Variants in LRRC40 observed in about 807,000 individuals in gnomAD.
LRRC40 encodes leucine rich repeat containing 40.
In LRRC40, 76 loss-of-function variants were observed where a neutral mutation model predicts 72.8. That is an observed-to-expected ratio of 1.04 (90% CI 0.87 to 1.26). LRRC40 has a LOEUF of 1.26. Ranked by LOEUF, LRRC40 falls within the 50% of genes most tolerant of loss-of-function variation. The pLI is 0.00. For missense variants in LRRC40, 684 were observed against 698.9 expected, an observed-to-expected ratio of 0.98 and a Z score of 0.24; for synonymous variants, 243 against 254.2, an observed-to-expected ratio of 0.96 and a Z score of 0.42.
In LRRC40 at chr1:70,181,157, G is replaced by A; in HGVS notation, c.590C>T (p.Ser197Phe). ...TTVPASFSSL[S>F]SLVRLNLSSN... Reference sequence around the variant, plus strand: ...AGAAAGATTGAGTCGCACCAGACTGGACAGAGAAGAAAAACTAGCAGGAAC... The same window carrying A: ...AGAAAGATTGAGTCGCACCAGACTGAACAGAGAAGAAAAACTAGCAGGAAC... The change falls in exon 5 of 15, where the codon TCC (serine) becomes TTC (phenylalanine). Residue 197 changes from serine (S) to phenylalanine (F), a missense_variant. Transcript: ENST00000370952. The A allele has an allele frequency of 4.4e-6, 7 of 1,596,598 alleles. No individual in the cohort carries two copies. The highest frequency in any genetic ancestry group is 6.0e-6 in the Non-Finnish European group (7 of 1,172,364).
intron 1 of LRRC40, 96 bp downstream of exon 1, chr1:70,205,294 G>A (rs1447389694): frequency 3.2e-6 from 4 of 1,241,446 alleles, no homozygotes; most frequent in Non-Finnish European, 2.2e-6. Context: ...AGCAGTCTGA[G>A]AAAGGGGGCC....
At chr1:70,169,049 T>G (rs1430418605) in intron 9 of LRRC40, among the ~76,000 whole-genome samples, 1 of 152,076 alleles carries the variant, frequency 6.6e-6, no homozygotes, top group Non-Finnish European at 1.5e-5. Context: ...ATGAGATAAG[T>G]AAGCAACAAT....
intron 13 of LRRC40, among the ~76,000 whole-genome samples, chr1:70,150,598 C>T (rs1369194021): frequency 6.6e-6 from 1 of 152,216 alleles, no homozygotes; most frequent in Non-Finnish European, 1.5e-5. Flanking sequence ...GGTCTGGCTA[C>T]TGCTTACTTG....
At position 70,181,298 on chromosome 1, in the gene LRRC40, A is replaced by T. The variant is rs1668240897; in HGVS notation, c.538-89T>A. 7.8e-6 allele frequency: 6 copies of T among 772,970 alleles called. No homozygotes were observed. In the South Asian group the frequency reaches 9.6e-5, roughly 12 times the overall value. 47.9% of individuals were successfully genotyped at this position (772,970 alleles called of 1,614,324 possible). A position where few individuals can be genotyped will look rare whatever the true frequency, so the allele number is the denominator to read the frequency against. On this transcript the variant is annotated intron_variant, in intron 4 of 14. Coordinates refer to ENST00000370952, the MANE Select transcript of LRRC40 (RefSeq NM_017768.5). ...AAAAAGGATTTCAAATTTTTGAAGGAATTACAACATAAAAGAGACTACTTA... is the reference window on the plus strand; with the variant it reads ...AAAAAGGATTTCAAATTTTTGAAGGTATTACAACATAAAAGAGACTACTTA...
At chr1:70,164,714 A>C (rs566342416) in intron 9 of LRRC40, among the ~76,000 whole-genome samples, 1 of 152,290 alleles carries the variant, frequency 6.6e-6, no homozygotes, top group South Asian at 2.1e-4. Flanking sequence ...CTTTTTTTTA[A>C]ATCTAAAATC....
chr1:70,162,452 C>A (rs1056099838), intron 9 of LRRC40, among the ~76,000 whole-genome samples: 1 of 152,156 alleles, frequency 6.6e-6, no homozygotes, highest in African/African-American at 2.4e-5. Flanking sequence ...CAACCCCAAA[C>A]CTATGAATCA....
intron 1 of LRRC40, among the ~76,000 whole-genome samples, chr1:70,198,510 A>T (rs912754768): frequency 6.6e-6 from 1 of 152,208 alleles, no homozygotes; most frequent in African/African-American, 2.4e-5. Context: ...AGTCCGACGA[A>T]AAAGAGCTGC....
intron 5 of LRRC40, among the ~76,000 whole-genome samples, chr1:70,179,850 C>T (rs1240445497): frequency 6.6e-6 from 1 of 151,918 alleles, no homozygotes; most frequent in African/African-American, 2.4e-5. Context: ...GTAAAGACTC[C>T]CCTAAAATGT....
chr1:70,182,354 A>T (rs1022366478), intron 4 of LRRC40, among the ~76,000 whole-genome samples: 1 of 152,030 alleles, frequency 6.6e-6, no homozygotes, highest in African/African-American at 2.4e-5. Flanking sequence ...AATCTAAATA[A>T]CGTCTGCAGT....
At chr1:70,173,412 T>C in intron 9 of LRRC40, 53 bp downstream of exon 9, 2 of 1,298,186 alleles carry the variant, frequency 1.5e-6, no homozygotes, top group Non-Finnish European at 2.2e-6. Context: ...TACTATTAAT[T>C]CTTCACCACT....
intron 4 of LRRC40, among the ~76,000 whole-genome samples, chr1:70,183,206 G>A (rs1257513833): frequency 6.6e-6 from 1 of 152,130 alleles, no homozygotes; most frequent in Non-Finnish European, 1.5e-5. Flanking sequence ...AAATAGAAAA[G>A]GAGTAATTTC....
chr1:70,169,281 T>C (rs1431139562), intron 9 of LRRC40, among the ~76,000 whole-genome samples: 1 of 152,220 alleles, frequency 6.6e-6, no homozygotes, highest in Non-Finnish European at 1.5e-5. Context: ...CCTTCTCTGC[T>C]GTGCTACTTG....
At chr1:70,167,137 C>A (rs1276320450) in intron 9 of LRRC40, among the ~76,000 whole-genome samples, 1 of 145,654 alleles carries the variant, frequency 6.9e-6, no homozygotes, top group Non-Finnish European at 1.5e-5. Context: ...GTAGATTTCA[C>A]ATAGAAAATA....
chr1:70,191,329 C>T (rs1668495689), intron 1 of LRRC40, among the ~76,000 whole-genome samples: 1 of 151,976 alleles, frequency 6.6e-6, no homozygotes, highest in African/African-American at 2.4e-5. Context: ...ATATTAAGGC[C>T]ATTATACCTA....
At chr1:70,177,542 C>A (rs1668135910) in intron 6 of LRRC40, among the ~76,000 whole-genome samples, 1 of 152,076 alleles carries the variant, frequency 6.6e-6, no homozygotes, top group Non-Finnish European at 1.5e-5. Context: ...CTGTTTAGTG[C>A]AAAACCATAA....
intron 9 of LRRC40, among the ~76,000 whole-genome samples, chr1:70,167,458 G>A (rs1348750442): frequency 6.6e-6 from 1 of 151,872 alleles, no homozygotes; most frequent in Non-Finnish European, 1.5e-5. Context: ...AGCTACTCAG[G>A]AGGCTGAGGC....
Position 70,145,375 on chromosome 1 carries a change from C to T in LRRC40, c.*425G>A, listed in dbSNP as rs2102301872. 1 of 152,160 alleles carries T rather than the reference C, an allele frequency of 6.6e-6. No individual in the cohort carries two copies. The highest frequency in any genetic ancestry group is 2.4e-5 in the African/African-American group (1 of 41,488). 9.4% of individuals were successfully genotyped at this position (152,160 alleles called of 1,614,324 possible). A position where few individuals can be genotyped will look rare whatever the true frequency, so the allele number is the denominator to read the frequency against. On this transcript the variant is annotated 3_prime_UTR_variant, in exon 15 of 15. Coordinates refer to ENST00000370952, the MANE Select transcript of LRRC40 (RefSeq NM_017768.5). ...GCTAGTCATATTCAAGTCAATTGGT[C>T]ACATTGTATGGAATACAAAAATAAA...
intron 9 of LRRC40, among the ~76,000 whole-genome samples, chr1:70,162,475 G>A (rs1005989190): frequency 2.0e-5 from 3 of 152,186 alleles, no homozygotes; most frequent in Non-Finnish European, 4.4e-5. Context: ...AATTCTGAGA[G>A]TGGAGCCCAG....
In LRRC40 at chr1:70,179,008, C is replaced by T; in HGVS notation, c.662-15G>A. 1.4e-6 allele frequency: 2 copies of T among 1,454,950 alleles called. No homozygotes were observed. The highest frequency in any genetic ancestry group is 3.0e-5 in the South Asian group (2 of 65,830). The allele number at this position is 1,454,950 out of a possible 1,614,324, so 90.1% of individuals were successfully genotyped here. Reference sequence around the variant, plus strand: ...ATGCTTCAACCCTGTAATATATATTCAGTAAAAAACAAAAATAGAGAAAAA... The same window carrying T: ...ATGCTTCAACCCTGTAATATATATTTAGTAAAAAACAAAAATAGAGAAAAA... On this transcript the variant is annotated splice_polypyrimidine_tract_variant and intron_variant, in intron 5 of 14. Transcript: ENST00000370952.
Sources: gnomAD v4.1 joint callset for allele counts (sites outside exome capture counted in the v4.1 genomes callset) on GRCh38, gnomAD v4.1.1 for gene constraint, MANE v1.5 for transcripts, NCBI Gene and HGNC (gene_info 2026-07-23, HGNC 2026-07-21) for gene names.